Variants in ZNF514 observed in about 807,000 individuals in gnomAD.
ZNF514 encodes the protein zinc finger protein 514.
ZNF514 carries 12 observed loss-of-function variants against 9.7 expected under a neutral mutation model. That is an observed-to-expected ratio of 1.24 (90% confidence interval 0.79 to 2.01). ZNF514 has a LOEUF of 2.01. Among genes scored for constraint, ZNF514 ranks in the 30% most tolerant of loss-of-function variants. The pLI is 0.00. For synonymous variants in ZNF514, 158 were observed against 163.7 expected (o/e 0.97, Z 0.27); for missense variants, 467 against 465.5 (o/e 1.00, Z -0.03).
intron 4 of ZNF514, among the ~76,000 whole-genome samples, chr2:95,151,830 T>C (rs746730294): frequency 2.6e-5 from 4 of 152,192 alleles, no homozygotes; most frequent in Non-Finnish European, 5.9e-5. Flanking sequence ...TAGATCCAGA[T>C]GTCAGACCCT....
Position 95,159,511 on chromosome 2 carries a change from A to G in ZNF514, c.-367T>C, listed in dbSNP as rs1033875188. On this transcript the variant is annotated 5_prime_UTR_variant, in exon 1 of 5. Coordinates refer to ENST00000295208, the MANE Select transcript of ZNF514 (RefSeq NM_032788.3). The stretch of plus-strand genomic sequence containing the variant: ...GGGGGGCACTCGGAGGGACACACCC[A>G]GCTCTGTAAGGGGCCGGGGCGCGGG... The G allele has an allele frequency of 1.1e-4, 17 of 153,142 alleles. No individual in the cohort carries two copies. The highest frequency in any genetic ancestry group is 2.2e-4 in the Non-Finnish European group (15 of 68,552). The allele number at this position is 153,142 out of a possible 1,614,324, so 9.5% of individuals were successfully genotyped here. A position where few individuals can be genotyped will look rare whatever the true frequency, so the allele number is the denominator to read the frequency against.
Position 95,159,272 on chromosome 2 carries a change from T to A in ZNF514, c.-128A>T. ...TCGGCTCCTCCTCAGGACCAGGCTC[T>A]GGAACCCAGCTCCCACGTGGATCCA... On this transcript the variant is annotated 5_prime_UTR_variant, in exon 1 of 5. Coordinates refer to ENST00000295208, the MANE Select transcript of ZNF514 (RefSeq NM_032788.3). 1 of 165,106 alleles carries A rather than the reference T, an allele frequency of 6.1e-6. No individual in the cohort carries two copies. Among genetic ancestry groups the A allele is most frequent in the Non-Finnish European group, 1.3e-5 (1 of 76,194 alleles). 10.2% of individuals were successfully genotyped at this position (165,106 alleles called of 1,614,324 possible). A position where few individuals can be genotyped will look rare whatever the true frequency, so the allele number is the denominator to read the frequency against.
intron 3 of ZNF514, 31 bp downstream of exon 3, chr2:95,153,102 G>A: frequency 1.3e-6 from 2 of 1,598,084 alleles, no homozygotes; most frequent in Non-Finnish European, 1.7e-6. Context: ...AAGAAGTCCT[G>A]CTGGGTGGGC....
rs770210864 is a variant in ZNF514 at position 95,149,234 on chromosome 2, C to T, written c.*48G>A. 3 of 1,519,720 alleles carry T rather than the reference C, an allele frequency of 2.0e-6. No individual in the cohort carries two copies. Among genetic ancestry groups the T allele is most frequent in the Non-Finnish European group, 2.6e-6 (3 of 1,137,434 alleles). The allele number at this position is 1,519,720 out of a possible 1,614,324, so 94.1% of individuals were successfully genotyped here. A position where few individuals can be genotyped will look rare whatever the true frequency, so the allele number is the denominator to read the frequency against. On this transcript the variant is annotated 3_prime_UTR_variant, in exon 5 of 5. Coordinates refer to ENST00000295208, the MANE Select transcript of ZNF514 (RefSeq NM_032788.3). Reference sequence around the variant, plus strand: ...CTCTCTGATATGAATTCTTTAAGTTCCAGTGATGTCTGCACTCCAGCTGAA... The same window carrying T: ...CTCTCTGATATGAATTCTTTAAGTTTCAGTGATGTCTGCACTCCAGCTGAA...
intron 2 of ZNF514, 100 bp downstream of exon 2, chr2:95,157,251 G>A (rs992012730): frequency 1.4e-6 from 1 of 691,362 alleles, no homozygotes; most frequent in Non-Finnish European, 2.2e-6. Flanking sequence ...ACAGCATTGG[G>A]TCAGTTCCCT....
chr2:95,149,395 T>C lies in ZNF514; in HGVS notation c.1090A>G (p.Arg364Gly), dbSNP rs752890576. 6.2e-7 allele frequency: 1 copy of C among 1,614,174 alleles called. No homozygotes were observed. The highest frequency in any genetic ancestry group is 8.5e-7 in the Non-Finnish European group (1 of 1,180,030). Residue 364 changes from arginine to glycine, a missense_variant, in exon 5 of 5, where the codon AGA (arginine) becomes GGA (glycine). Arg to Gly is a moderately radical substitution (Grantham distance 125, BLOSUM62 -2). Transcript: ENST00000295208. ...TAGGGTTTCTCTCCAGTGTGAAATC[T>C]GTAATGTTGAGTGAGAGATGAACTC... ...SQSSSLTQHY[R>G]FHTGEKPYKC...
chr2:95,157,311 T>C (rs1457510582), intron 2 of ZNF514, 40 bp downstream of exon 2: 1 of 1,230,836 alleles, frequency 8.1e-7, no homozygotes, highest in Non-Finnish European at 1.1e-6. Context: ...AAGCTAACCA[T>C]CGTTCAGGCA....
At chr2:95,135,442 G>C in the ZNF514 span, among the ~76,000 whole-genome samples, 4 of 139,638 alleles carry the variant, frequency 2.9e-5, no homozygotes, top group Admixed American at 7.5e-5. Context: ...TCTTTTTTGA[G>C]ACAGGGTCAT....
At chr2:95,133,200 G>A in the ZNF514 span, among the ~76,000 whole-genome samples, 5 of 152,160 alleles carry the variant, frequency 3.3e-5, no homozygotes, top group African/African-American at 4.8e-5. Context: ...CAGGCAAGAT[G>A]GCTCATGCCT....
Position 95,159,307 on chromosome 2 carries a change from T to A in ZNF514, c.-163A>T. ...CTCCCACGTGGATCCACACGCACAGTGGGCTCAGACTACCAGGAGACACGG... is the reference window on the plus strand; with the variant it reads ...CTCCCACGTGGATCCACACGCACAGAGGGCTCAGACTACCAGGAGACACGG... On this transcript the variant is annotated 5_prime_UTR_variant, in exon 1 of 5. Transcript: ENST00000295208. 1 of 165,104 alleles carries A rather than the reference T, an allele frequency of 6.1e-6. No individual in the cohort carries two copies. Among genetic ancestry groups the A allele is most frequent in the Non-Finnish European group, 1.3e-5 (1 of 75,708 alleles). The allele number at this position is 165,104 out of a possible 1,614,324, so 10.2% of individuals were successfully genotyped here.
At position 95,146,740 on chromosome 2, in the gene ZNF514, G is replaced by A. The variant is rs542296203; in HGVS notation, c.*2542C>T. ...TGAGAAGAGGAGACAGATTTTGGACGAAGACCAGTTACAAAATTGTGACAG... is the reference window on the plus strand; with the variant it reads ...TGAGAAGAGGAGACAGATTTTGGACAAAGACCAGTTACAAAATTGTGACAG... On this transcript the variant is annotated 3_prime_UTR_variant, in exon 5 of 5. Transcript: ENST00000295208. Among the ~76,000 whole-genome samples the A allele has an allele frequency of 1.1e-4, 17 of 151,700 alleles. 1 individual carries two copies. The highest frequency in any genetic ancestry group is 6.8e-3 in the Middle Eastern group (2 of 294).
intron 4 of ZNF514, among the ~76,000 whole-genome samples, chr2:95,150,851 G>T (rs752429351): frequency 1.3e-5 from 2 of 152,110 alleles, no homozygotes; most frequent in Admixed American, 6.6e-5. Flanking sequence ...TACTTTACCA[G>T]GTCCTGTCCT....
the ZNF514 span, among the ~76,000 whole-genome samples, chr2:95,128,971 A>G: frequency 6.6e-6 from 1 of 152,212 alleles, no homozygotes; most frequent in Non-Finnish European, 1.5e-5. Context: ...AATCTCCCCA[A>G]GCCTTTGGAT....
rs749762654 is a variant in ZNF514, at chr2:95,149,297, TC to T, written c.1187del (p.Gly396GlufsTer24). The T allele has an allele frequency of 6.3e-7, 1 of 1,575,260 alleles. No individual in the cohort carries two copies. The highest frequency in any genetic ancestry group is 2.2e-5 in the East Asian group (1 of 44,464). The stretch of plus-strand genomic sequence containing the variant: ...TTCACTGAATTTATAGGGTTTTTTT[TC>T]CAGCATGACTTCTCTGATGTTTAAT... Reference protein sequence around the residue: ...SLIKHQRSHAGKKTL With the variant: ...SLIKHQRSHAXKKTL On this transcript the variant is annotated frameshift_variant, in exon 5 of 5. Transcript: ENST00000295208. LOFTEE classifies it high-confidence loss of function.
intron 1 of ZNF514, among the ~76,000 whole-genome samples, chr2:95,158,551 G>A (rs1380666478): frequency 6.6e-6 from 1 of 152,176 alleles, no homozygotes; most frequent in African/African-American, 2.4e-5. Context: ...AGAACGACTG[G>A]AAGAACCTTA....
the ZNF514 span, among the ~76,000 whole-genome samples, chr2:95,139,322 T>C: frequency 6.6e-6 from 1 of 152,192 alleles, no homozygotes; most frequent in African/African-American, 2.4e-5. Context: ...GATTCCAGAA[T>C]GGTAGAGCCA....
At chr2:95,140,155 G>T (rs1676804286), downstream of ZNF514, among the ~76,000 whole-genome samples, 1 of 152,114 alleles carries the variant, frequency 6.6e-6, no homozygotes, top group African/African-American at 2.4e-5. Context: ...TGAGGGTGGG[G>T]ATAGCATTAG....
At chr2:95,144,954 G>C (rs1208892625), downstream of ZNF514, among the ~76,000 whole-genome samples, 2 of 152,118 alleles carry the variant, frequency 1.3e-5, no homozygotes, top group Admixed American at 1.3e-4. Context: ...AGATGGAACA[G>C]TGCTAATCTA....
downstream of ZNF514, among the ~76,000 whole-genome samples, chr2:95,144,279 T>C (rs1673311819): frequency 6.6e-6 from 1 of 152,200 alleles, no homozygotes; most frequent in Non-Finnish European, 1.5e-5. Flanking sequence ...CTCTACTTTA[T>C]GCTAATGAGA....
Sources: gnomAD v4.1 joint callset for allele counts (sites outside exome capture counted in the v4.1 genomes callset) on GRCh38, gnomAD v4.1.1 for gene constraint, MANE v1.5 for transcripts, NCBI Gene and HGNC (gene_info 2026-07-23, HGNC 2026-07-21) for gene names.